GASK1A: variants seen among roughly 807,000 people sequenced by gnomAD.
GASK1A encodes the protein Golgi-associated kinase 1A.
Under a neutral mutation model 41.2 loss-of-function variants are expected in GASK1A, and 40 were observed. That is an observed-to-expected ratio of 0.97 (90% CI 0.75 to 1.27). GASK1A has a LOEUF of 1.27. Ranked by LOEUF, GASK1A falls within the 50% of genes most tolerant of loss-of-function variation. The pLI is 0.00. For missense variants in GASK1A, 678 were observed against 745.1 expected (o/e 0.91, Z 1.05); for synonymous variants, 316 against 307.1 (o/e 1.03, Z -0.30).
intron 1 of GASK1A, among the ~76,000 whole-genome samples, chr3:43,005,389 T>G (rs2089430927): frequency 6.6e-6 from 1 of 152,222 alleles, no homozygotes; most frequent in African/African-American, 2.4e-5. Context: ...ATGTTTTCAT[T>G]TGTGTGTTGT....
chr3:43,015,212 T>A (rs2089484169), intron 1 of GASK1A, among the ~76,000 whole-genome samples: 1 of 139,750 alleles, frequency 7.2e-6, no homozygotes, highest in South Asian at 2.3e-4. Flanking sequence ...CAGTATGACA[T>A]CACAGGAAGG....
intron 1 of GASK1A, among the ~76,000 whole-genome samples, chr3:43,031,582 C>T (rs1350609098): frequency 6.6e-6 from 1 of 152,236 alleles, no homozygotes; most frequent in Non-Finnish European, 1.5e-5. Context: ...CCAAGGACTG[C>T]ATGTTGAGAA....
intron 1 of GASK1A, among the ~76,000 whole-genome samples, chr3:42,981,700 C>T (rs538127937): frequency 6.6e-5 from 10 of 152,162 alleles, no homozygotes; most frequent in Non-Finnish European, 1.2e-4. Context: ...GCTGAGAGAA[C>T]GGGAGAAAGC....
At position 43,032,383 on chromosome 3, in the gene GASK1A, C is replaced by A. The variant is rs115136383; in HGVS notation, c.120C>A (p.Ala40=). 1.7e-5 allele frequency: 27 copies of A among 1,551,510 alleles called. No individual in the cohort carries two copies. Among genetic ancestry groups the A allele is most frequent in the Non-Finnish European group, 2.3e-5 (26 of 1,146,936 alleles). ...GCTTTCCCCCACAGCGTCCATCCGC[C>A]GGCCCAGACCCTGGTCCCATGGAGC... is the stretch of plus-strand genomic sequence containing the variant. ...VTRFPPQRPS[A]GPDPGPMEPQ... Residue 40 remains alanine, a synonymous_variant, in exon 2 of 5, where the codon GCC becomes GCA. Transcript: ENST00000430121.
At chr3:43,013,108 A>AG (rs1338803466) in intron 1 of GASK1A, among the ~76,000 whole-genome samples, 6 of 148,670 alleles carry the variant, frequency 4.0e-5, no homozygotes. Context: ...AGTCACAAGA[A>AG]GGAGTGTGTG....
In GASK1A at chr3:43,033,014, T is replaced by C; in HGVS notation, c.751T>C (p.Ser251Pro). 1 of 1,551,646 alleles carries C rather than the reference T, an allele frequency of 6.4e-7. No homozygotes were observed. The highest frequency in any genetic ancestry group is 8.7e-7 in the Non-Finnish European group (1 of 1,146,968). ...WCDAETLLSS[S>P]RTGGQAPPWL... ...TGATGCTGAGACGCTGTTGAGCAGCTCGAGGACTGGTGGGCAGGCTCCCCC... is the reference window on the plus strand; with the variant it reads ...TGATGCTGAGACGCTGTTGAGCAGCCCGAGGACTGGTGGGCAGGCTCCCCC... Residue 251 changes from serine (S) to proline (P), a missense_variant, in exon 2 of 5, where the codon TCG becomes CCG. Transcript: ENST00000430121.
At chr3:43,036,033 C>T (rs2089602394) in intron 2 of GASK1A, among the ~76,000 whole-genome samples, 1 of 152,220 alleles carries the variant, frequency 6.6e-6, no homozygotes, top group Admixed American at 6.5e-5. Context: ...AGGCACAGCT[C>T]CTTGCAAAGC....
chr3:42,979,583 G>C lies in GASK1A; in HGVS notation c.-60G>C. The C allele has an allele frequency of 8.1e-7, 1 of 1,239,218 alleles. No homozygotes were observed. The highest frequency in any genetic ancestry group is 1.0e-6 in the Non-Finnish European group (1 of 987,486). The allele number at this position is 1,239,218 out of a possible 1,614,324, so 76.8% of individuals were successfully genotyped here. A position where few individuals can be genotyped will look rare whatever the true frequency, so the allele number is the denominator to read the frequency against. On this transcript the variant is annotated 5_prime_UTR_variant, in exon 1 of 5. Coordinates refer to ENST00000430121, the MANE Select transcript of GASK1A (RefSeq NM_001129908.3). ...GCGCCGGGGGCGGCCAAGGGGAGGC[G>C]GGATGAGTCTGCGAGCCGGCTGAGC...
rs754631823 is a variant in GASK1A, at chr3:43,033,322, C to T, written c.1059C>T (p.Ser353=). 2.6e-6 allele frequency: 4 copies of T among 1,550,930 alleles called. No homozygotes were observed. Among genetic ancestry groups the T allele is most frequent in the South Asian group, 1.2e-5 (1 of 83,996 alleles). ...CTGCTGTGGCCCGCCGCTTCCATAG[C>T]CCCCTCCTGCCCTACCGATACACAG... ...SLPAVARRFH[S]PLLPYRYTDG... Residue 353 remains serine, a synonymous_variant, in exon 2 of 5, where the codon AGC becomes AGT. Coordinates refer to ENST00000430121, the MANE Select transcript of GASK1A (RefSeq NM_001129908.3).
In GASK1A at chr3:43,043,333, C is replaced by T. The variant is rs539875877; in HGVS notation, c.1290+9780C>T. On this transcript the variant is annotated intron_variant, in intron 2 of 4. Coordinates refer to ENST00000430121, the MANE Select transcript of GASK1A (RefSeq NM_001129908.3). ...AGTCTTGGCCCAAGAGCCTTCACTC[C>T]GGACCTTCCCACCCCCACAGCTGGA... is the stretch of plus-strand genomic sequence containing the variant. Among the ~76,000 whole-genome samples the T allele has an allele frequency of 1.1e-4, 16 of 152,300 alleles. No individual in the cohort carries two copies. In the East Asian group the frequency reaches 2.3e-3, roughly 22 times the overall value.
intron 1 of GASK1A, among the ~76,000 whole-genome samples, chr3:43,012,828 C>T (rs963127241): frequency 6.6e-6 from 1 of 150,974 alleles, no homozygotes; most frequent in African/African-American, 2.5e-5. Flanking sequence ...TGTGTGTAGC[C>T]ACAGGAAGGG....
At chr3:43,049,678 G>A (rs1201529979) in intron 2 of GASK1A, among the ~76,000 whole-genome samples, 1 of 145,902 alleles carries the variant, frequency 6.9e-6, no homozygotes, top group East Asian at 2.0e-4. Flanking sequence ...CCTGAGATGT[G>A]CTTTCTCCAT....
chr3:43,031,606 G>A (rs6802904), intron 1 of GASK1A, among the ~76,000 whole-genome samples: 4 of 152,208 alleles, frequency 2.6e-5, no homozygotes, highest in Non-Finnish European at 5.9e-5. Context: ...ACTGCCCCTA[G>A]GGTGTGTCCT....
rs139983371 is a variant in GASK1A at position 43,023,907 on chromosome 3, C to T, written c.4-8360C>T. Among the ~76,000 whole-genome samples, 328 of 152,278 alleles carry T rather than the reference C, an allele frequency of 2.2e-3. 1 individual carries two copies. The highest frequency in any genetic ancestry group is 7.4e-3 in the African/African-American group (306 of 41,562). On this transcript the variant is annotated intron_variant, in intron 1 of 4. Transcript: ENST00000430121. ...ACCAGATGTGTTAATTTCCCCTGAGCTTCCTGGCACAGCAGGCAAGAAAGC... is the reference window on the plus strand; with the variant it reads ...ACCAGATGTGTTAATTTCCCCTGAGTTTCCTGGCACAGCAGGCAAGAAAGC...
At chr3:43,002,720 G>C (rs2089416670) in intron 1 of GASK1A, among the ~76,000 whole-genome samples, 1 of 151,974 alleles carries the variant, frequency 6.6e-6, no homozygotes. Flanking sequence ...TATATATCAG[G>C]TTAAATAAAA....
rs76231798 is a variant in GASK1A at position 43,028,018 on chromosome 3, A to G, written c.4-4249A>G. Among the ~76,000 whole-genome samples, 123 of 152,360 alleles carry G rather than the reference A, an allele frequency of 8.1e-4. 2 individuals carry two copies. The East Asian group carries it at 0.021, about 26-fold the overall frequency. Reference sequence around the variant, plus strand: ...AACTGGAAGCAGGGGTTCCTGGGTCATAGGTAGATTCAAAGATTCTCTGAT... The same window carrying G: ...AACTGGAAGCAGGGGTTCCTGGGTCGTAGGTAGATTCAAAGATTCTCTGAT... On this transcript the variant is annotated intron_variant, in intron 1 of 4. Transcript: ENST00000430121.
chr3:43,045,284 G>T (rs1442877327), intron 2 of GASK1A, among the ~76,000 whole-genome samples: 1 of 151,972 alleles, frequency 6.6e-6, no homozygotes, highest in African/African-American at 2.4e-5. Context: ...TAGATTTGTG[G>T]TGTGGCAGGG....
chr3:43,057,703 T>C lies in GASK1A; in HGVS notation c.*1317T>C, dbSNP rs2089723183. On this transcript the variant is annotated 3_prime_UTR_variant, in exon 5 of 5. Coordinates refer to ENST00000430121, the MANE Select transcript of GASK1A (RefSeq NM_001129908.3). ...CTGCTGACTTGGTATAAATGTTTTC[T>C]TCCAGCCTCTAATTTGTCTCTTAAC... The C allele has an allele frequency of 6.6e-6, 1 of 152,204 alleles. No individual in the cohort carries two copies. The highest frequency in any genetic ancestry group is 2.4e-5 in the African/African-American group (1 of 41,464). 9.4% of individuals were successfully genotyped at this position (152,204 alleles called of 1,614,324 possible). A position where few individuals can be genotyped will look rare whatever the true frequency, so the allele number is the denominator to read the frequency against.
intron 1 of GASK1A, among the ~76,000 whole-genome samples, chr3:42,998,673 A>G (rs758245483): frequency 2.0e-5 from 3 of 152,084 alleles, no homozygotes; most frequent in African/African-American, 7.2e-5. Flanking sequence ...GCCTCCTGCT[A>G]TGACAGACGG....
Sources: gnomAD v4.1 joint callset for allele counts (sites outside exome capture counted in the v4.1 genomes callset) on GRCh38, gnomAD v4.1.1 for gene constraint, MANE v1.5 for transcripts, NCBI Gene and HGNC (gene_info 2026-07-23, HGNC 2026-07-21) for gene names.